WFDC13: variants seen among roughly 807,000 people sequenced by gnomAD.
The protein encoded by WFDC13 is WAP four-disulfide core domain protein 13.
Under a neutral mutation model 10.9 loss-of-function variants are expected in WFDC13, and 6 were observed. The observed-to-expected ratio is 0.55, with a 90% CI of 0.30 to 1.09. WFDC13 has a LOEUF of 1.09. WFDC13 is among the 50% of genes least tolerant of loss of function. The probability of loss-of-function intolerance (pLI) is 0.06; values close to 1 mark genes in which losing one functional copy is unlikely to be tolerated. For synonymous variants in WFDC13, 38 were observed against 39.5 expected (o/e 0.96, Z 0.14); for missense variants, 104 against 109.6 (o/e 0.95, Z 0.23).
Position 45,704,770 on chromosome 20 carries a change from A to G in WFDC13, c.239+176A>G, listed in dbSNP as rs551085663. 5 of 1,304,296 alleles carry G rather than the reference A, an allele frequency of 3.8e-6. No individual in the cohort carries two copies. The East Asian group carries it at 1.2e-4, about 30-fold the overall frequency. The allele number at this position is 1,304,296 out of a possible 1,614,324, so 80.8% of individuals were successfully genotyped here. On this transcript the variant is annotated intron_variant, in intron 2 of 3. Coordinates refer to ENST00000305479, the MANE Select transcript of WFDC13 (RefSeq NM_172005.2). ...GATAATTTCCATAAAAGTCCTGATT[A>G]GAAAAGCCCTCCTCCCCTCCCAATC...
rs1337592498 is a variant in WFDC13 at position 45,708,589 on chromosome 20, C to T, written c.*754C>T. 6.6e-6 allele frequency: 1 copy of T among 152,146 alleles called. No individual in the cohort carries two copies. Among genetic ancestry groups the T allele is most frequent in the Admixed American group, 6.5e-5 (1 of 15,280 alleles). 9.4% of individuals were successfully genotyped at this position (152,146 alleles called of 1,614,324 possible). On this transcript the variant is annotated 3_prime_UTR_variant, in exon 4 of 4. Transcript: ENST00000305479. ...CTAGAGCAAAGATTGAATTATCCTT[C>T]TGTTCTCTCTACAGAAATGATATAA... is the stretch of plus-strand genomic sequence containing the variant.
chr20:45,706,016 T>C (rs959228083), intron 3 of WFDC13, 89 bp downstream of exon 3: 54 of 1,130,432 alleles, frequency 4.8e-5, no homozygotes, highest in Non-Finnish European at 6.7e-5. Context: ...GGGCACTACA[T>C]TCCCACAAGC....
intron 3 of WFDC13, among the ~76,000 whole-genome samples, chr20:45,706,394 G>A (rs1410196772): frequency 6.6e-6 from 1 of 152,148 alleles, no homozygotes; most frequent in African/African-American, 2.4e-5. Flanking sequence ...CCATGTAGAT[G>A]GAAGAACTTG....
chr20:45,705,686 A>G (rs1456328389), intron 2 of WFDC13, among the ~76,000 whole-genome samples, 177 bp from the exon 3 acceptor site: 5 of 152,176 alleles, frequency 3.3e-5, no homozygotes, highest in Non-Finnish European at 7.3e-5. Context: ...ATTGGAATGC[A>G]GAAGCATAAA....
intron 2 of WFDC13, chr20:45,705,305 A>C: frequency 5.4e-6 from 2 of 367,110 alleles, no homozygotes; most frequent in Non-Finnish European, 5.0e-6. Flanking sequence ...GACTCAACCA[A>C]TGAGCCCTTT....
intron 2 of WFDC13, chr20:45,705,058 G>A (rs1307092388): frequency 6.6e-7 from 1 of 1,508,324 alleles, no homozygotes; most frequent in South Asian, 1.1e-5. Context: ...TAATTGTCCA[G>A]ACATTAACAC....
intron 1 of WFDC13, among the ~76,000 whole-genome samples, chr20:45,702,754 C>CA (rs1335540236): frequency 1.3e-5 from 2 of 152,198 alleles, no homozygotes; most frequent in African/African-American, 4.8e-5. Flanking sequence ...ATCAATGGGA[C>CA]AGTGTAGAGT....
chr20:45,702,743 C>T (rs2145644063), intron 1 of WFDC13, among the ~76,000 whole-genome samples: 1 of 152,280 alleles, frequency 6.6e-6, no homozygotes, highest in East Asian at 1.9e-4. Flanking sequence ...CGGTAATTAG[C>T]ATCAATGGGA....
intron 1 of WFDC13, among the ~76,000 whole-genome samples, chr20:45,702,716 A>T (rs1984216409): frequency 6.6e-6 from 1 of 152,214 alleles, no homozygotes; most frequent in South Asian, 2.1e-4. Context: ...CAAACTCCAG[A>T]GGTACTGTAC....
In WFDC13 at chr20:45,704,921, C is replaced by T. The variant is rs761638791; in HGVS notation, c.239+327C>T. 1.5e-5 allele frequency: 25 copies of T among 1,613,942 alleles called. 3 individuals are homozygous for T. The Admixed American group carries it at 1.8e-4, about 12-fold the overall frequency. On this transcript the variant is annotated intron_variant, in intron 2 of 3. Coordinates refer to ENST00000305479, the MANE Select transcript of WFDC13 (RefSeq NM_172005.2). ...CCTTATCCCAGGGACACTGTACCTG[C>T]AGGTGTAACCAAAATCCCAAAGCAA...
At chr20:45,705,548 G>GACAATCCATGTAAGCTTTAAA (rs1984357138) in intron 2 of WFDC13, among the ~76,000 whole-genome samples, 2 of 152,204 alleles carry the variant, frequency 1.3e-5, no homozygotes, top group Non-Finnish European at 2.9e-5. Context: ...GGTTAAAATA[G>GACAATCCATGTAAGCTTTAAA]ACAATCCATG....
intron 2 of WFDC13, chr20:45,704,829 ACT>A: frequency 7.0e-7 from 1 of 1,430,270 alleles, no homozygotes; most frequent in South Asian, 1.2e-5. Context: ...TGAATTTCTG[ACT>A]CTGCCTCTCT....
intron 3 of WFDC13, among the ~76,000 whole-genome samples, chr20:45,706,550 G>C (rs1328213012): frequency 6.6e-6 from 1 of 151,734 alleles, no homozygotes; most frequent in Non-Finnish European, 1.5e-5. Context: ...AAGGTGGACG[G>C]ATCACGAGGT....
At chr20:45,702,818 T>C (rs150615119) in intron 1 of WFDC13, among the ~76,000 whole-genome samples, 2 of 152,342 alleles carry the variant, frequency 1.3e-5, no homozygotes, top group Non-Finnish European at 2.9e-5. Flanking sequence ...CTGGCTCTAG[T>C]AATGTTGACC....
At chr20:45,703,933 C>T (rs980915378) in intron 1 of WFDC13, among the ~76,000 whole-genome samples, 9 of 152,098 alleles carry the variant, frequency 5.9e-5, no homozygotes, top group Non-Finnish European at 1.2e-4. Flanking sequence ...TGATCCAGTA[C>T]CTTCAGTTTA....
At chr20:45,703,588 G>A (rs1038048125) in intron 1 of WFDC13, among the ~76,000 whole-genome samples, 2 of 152,136 alleles carry the variant, frequency 1.3e-5, no homozygotes, top group African/African-American at 4.8e-5. Flanking sequence ...ACCTGGAAGG[G>A]CTTGGGGAAA....
Position 45,702,159 on chromosome 20 carries a change from G to A in WFDC13, c.36G>A (p.Val12=). 6.2e-7 allele frequency: 1 copy of A among 1,613,480 alleles called. No individual in the cohort carries two copies. Among genetic ancestry groups the A allele is most frequent in the Non-Finnish European group, 8.5e-7 (1 of 1,179,788 alleles). ...TGCTGCCTCTCCAGTTCCTGGTGGTGTTCTGCCTAGCACTGCAGCTGGTGC... is the reference window on the plus strand; with the variant it reads ...TGCTGCCTCTCCAGTTCCTGGTGGTATTCTGCCTAGCACTGCAGCTGGTGC... ...KPVLPLQFLV[V]FCLALQLVPG... is the part of the protein sequence containing the mutation. Residue 12 remains valine, a synonymous_variant, in exon 1 of 4, where the codon GTG becomes GTA. Coordinates refer to ENST00000305479, the MANE Select transcript of WFDC13 (RefSeq NM_172005.2).
chr20:45,703,304 G>A (rs557845977), intron 1 of WFDC13, among the ~76,000 whole-genome samples: 1 of 152,130 alleles, frequency 6.6e-6, no homozygotes, highest in African/African-American at 2.4e-5. Flanking sequence ...GAGAGGCCAG[G>A]GGTGAGTACT....
At chr20:45,704,860 CT>C (rs1984326856) in intron 2 of WFDC13, 2 of 1,566,384 alleles carry the variant, frequency 1.3e-6, no homozygotes, top group Non-Finnish European at 1.8e-6. Flanking sequence ...CCACAAATGC[CT>C]TTATCCACAG....
Sources: allele counts gnomAD v4.1 joint callset (sites outside exome capture counted in the v4.1 genomes callset), GRCh38; gene constraint gnomAD v4.1.1; transcripts MANE v1.5; gene names NCBI Gene and HGNC (gene_info 2026-07-23, HGNC 2026-07-21).